AGAP1: variants seen among roughly 807,000 people sequenced by gnomAD.
AGAP1 encodes ArfGAP with GTPase domain, ankyrin repeat and PH domain 1, also known as arf-GAP with GTPase, ANK repeat and PH domain-containing protein 1.
A neutral mutation model predicts 105.3 loss-of-function variants in AGAP1; 29 were observed. That is an observed-to-expected ratio of 0.28 (90% CI 0.21 to 0.38). The LOEUF (loss-of-function observed/expected upper bound fraction) is 0.38, where lower values mean the gene tolerates loss of function less well. AGAP1 is among the 10% of genes least tolerant of loss of function. The pLI is 1.00. For synonymous variants in AGAP1, 509 were observed against 485.9 expected, an observed-to-expected ratio of 1.05 and a Z score of -0.63; for missense variants, 998 against 1,165.1, an observed-to-expected ratio of 0.86 and a Z score of 2.09.
chr2:235,968,421 CATT>C lies in AGAP1; in HGVS notation c.1484-40_1484-38del, dbSNP rs759117514. On this transcript the variant is annotated intron_variant, in intron 12 of 17. Transcript: ENST00000304032. ...TTCTGCTTTGTAAGTGCTCACTCTG[CATT>C]TTTTTTTTTTTTTTTGCCTTTTCCG... 1.6e-5 allele frequency: 22 copies of C among 1,345,390 alleles called. No homozygotes were observed. In the African/African-American group the frequency reaches 2.8e-4, roughly 17 times the overall value. The allele number at this position is 1,345,390 out of a possible 1,614,324, so 83.3% of individuals were successfully genotyped here. A position where few individuals can be genotyped will look rare whatever the true frequency, so the allele number is the denominator to read the frequency against.
rs2049812473 is a variant in AGAP1, at chr2:235,877,691, A to T, written c.1051-5654A>T. On this transcript the variant is annotated intron_variant, in intron 9 of 17. Coordinates refer to ENST00000304032, the MANE Select transcript of AGAP1 (RefSeq NM_001037131.3). This position sits in a 1 kb window ranked among gnomAD's most constrained non-coding sequence, Gnocchi z 4.3. ...TTAGATAGTGATTAAAATACACTCA[A>T]AAATTTAAAAATTCTCTTGGAGAAA... Among the ~76,000 whole-genome samples, 1 of 152,200 alleles carries T rather than the reference A, an allele frequency of 6.6e-6. No homozygotes were observed. Among genetic ancestry groups the T allele is most frequent in the Non-Finnish European group, 1.5e-5 (1 of 68,032 alleles).
chr2:236,010,075 A>G (rs1476806080), intron 13 of AGAP1, among the ~76,000 whole-genome samples: 1 of 152,010 alleles, frequency 6.6e-6, no homozygotes, highest in Non-Finnish European at 1.5e-5. Flanking sequence ...AGTTAAGTTT[A>G]AGTCTCAGTG....
intron 13 of AGAP1, among the ~76,000 whole-genome samples, chr2:236,008,403 C>T (rs900374525): frequency 3.3e-5 from 5 of 152,130 alleles, no homozygotes; most frequent in South Asian, 2.1e-4. Flanking sequence ...TGTTTTTCAC[C>T]GATGCATTTC....
Position 236,068,571 on chromosome 2 carries a change from CG to C in AGAP1, c.2114+19293del, listed in dbSNP as rs2058410143. 3.3e-5 allele frequency among the ~76,000 whole-genome samples: 5 copies of C among 151,902 alleles called. No homozygotes were observed. In the South Asian group the frequency reaches 1.0e-3, roughly 32 times the overall value. ...ATCCCAGCACTTTCGGAGGCCGAGG[CG>C]GGCGGATCACGAGGTCAGGAGATCG... On this transcript the variant is annotated intron_variant, in intron 16 of 17. Coordinates refer to ENST00000304032, the MANE Select transcript of AGAP1 (RefSeq NM_001037131.3).
chr2:235,535,992 G>C lies in AGAP1; in HGVS notation c.163+41143G>C, dbSNP rs1327581918. 6.6e-6 allele frequency among the ~76,000 whole-genome samples: 1 copy of C among 151,922 alleles called. No homozygotes were observed. Among genetic ancestry groups the C allele is most frequent in the Non-Finnish European group, 1.5e-5 (1 of 68,002 alleles). On this transcript the variant is annotated intron_variant, in intron 1 of 17. Coordinates refer to ENST00000304032, the MANE Select transcript of AGAP1 (RefSeq NM_001037131.3). The surrounding 1 kb of genome is among the most constrained non-coding windows in gnomAD (Gnocchi z 5.1). ...CTCTCCCAGAGCCGGCCTCACCTTC[G>C]AGACTCATGCTACTAAGTTGTCTTT... is the stretch of plus-strand genomic sequence containing the variant.
chr2:236,052,963 G>C (rs1337994915), intron 16 of AGAP1, among the ~76,000 whole-genome samples: 1 of 152,188 alleles, frequency 6.6e-6, no homozygotes, highest in African/African-American at 2.4e-5. Flanking sequence ...AGTAACAGTG[G>C]ACAGAACTAA....
intron 13 of AGAP1, among the ~76,000 whole-genome samples, chr2:236,034,608 A>T (rs947076096): frequency 1.3e-5 from 2 of 152,024 alleles, no homozygotes; most frequent in Admixed American, 1.3e-4. Context: ...ACACCCCCAT[A>T]CCGTGTGGGC....
rs998429150 is a variant in AGAP1, at chr2:235,993,780, G to C, written c.1645+25157G>C. On this transcript the variant is annotated intron_variant, in intron 13 of 17. Coordinates refer to ENST00000304032, the MANE Select transcript of AGAP1 (RefSeq NM_001037131.3). The surrounding 1 kb of genome is among the most constrained non-coding windows in gnomAD (Gnocchi z 5.0). ...CACGCCCTTCTGCTTTGGCTGTGTAGATGCTGTTCCAGTCCTGGGGAGCAC... is the reference window on the plus strand; with the variant it reads ...CACGCCCTTCTGCTTTGGCTGTGTACATGCTGTTCCAGTCCTGGGGAGCAC... Among the ~76,000 whole-genome samples the C allele has an allele frequency of 6.6e-6, 1 of 152,150 alleles. No individual in the cohort carries two copies. The highest frequency in any genetic ancestry group is 6.5e-5 in the Admixed American group (1 of 15,278).
chr2:236,010,344 A>G (rs1444559222), intron 13 of AGAP1, among the ~76,000 whole-genome samples: 1 of 152,188 alleles, frequency 6.6e-6, no homozygotes, highest in Non-Finnish European at 1.5e-5. Context: ...TGTCTTTGAA[A>G]AGATCGTGAC....
At chr2:235,956,254 C>T (rs1382650594) in intron 12 of AGAP1, among the ~76,000 whole-genome samples, 4 of 152,218 alleles carry the variant, frequency 2.6e-5, no homozygotes, top group African/African-American at 9.6e-5. Context: ...CGCATCGTGC[C>T]TTCCCATTTA....
chr2:235,860,842 G>GACTGCATTATTTGCCAAA (rs1345657302), intron 9 of AGAP1, among the ~76,000 whole-genome samples: 1 of 152,132 alleles, frequency 6.6e-6, no homozygotes, highest in Non-Finnish European at 1.5e-5. Context: ...TATTTACCAA[G>GACTGCATTATTTGCCAAA]ACTGCATTAT....
chr2:235,849,677 C>T (rs1961939863), intron 9 of AGAP1, among the ~76,000 whole-genome samples: 1 of 152,148 alleles, frequency 6.6e-6, no homozygotes, highest in Non-Finnish European at 1.5e-5. Flanking sequence ...ACCTGCTGGG[C>T]ATGGAGTGTC....
At chr2:236,102,924 C>T (rs1012799109) in intron 16 of AGAP1, among the ~76,000 whole-genome samples, 7 of 152,122 alleles carry the variant, frequency 4.6e-5, no homozygotes, top group Admixed American at 1.3e-4. Flanking sequence ...TAAAAGACTT[C>T]AAAATTGCTT....
At position 235,803,109 on chromosome 2, in the gene AGAP1, GTGA is replaced by G. The variant is rs1304028254; in HGVS notation, c.957+3590_957+3592del. Among the ~76,000 whole-genome samples, 9 of 151,074 alleles carry G rather than the reference GTGA, an allele frequency of 6.0e-5. No homozygotes were observed. In the East Asian group the frequency reaches 1.4e-3, roughly 23 times the overall value. ...GGTTGTGGTGATGGTGATGATGGTT[GTGA>G]TGGTGATGATGATGGTTGTGGTGAT... On this transcript the variant is annotated intron_variant, in intron 8 of 17. Transcript: ENST00000304032.
chr2:235,993,137 A>G lies in AGAP1; in HGVS notation c.1645+24514A>G, dbSNP rs1030397612. ...GCTTCCTAAGTATTGATAGCGGCGT[A>G]TATATAGGATTCCCACAATTTGCAG... is the stretch of plus-strand genomic sequence containing the variant. On this transcript the variant is annotated intron_variant, in intron 13 of 17. Coordinates refer to ENST00000304032, the MANE Select transcript of AGAP1 (RefSeq NM_001037131.3). The surrounding 1 kb of genome is among the most constrained non-coding windows in gnomAD (Gnocchi z 5.0). Among the ~76,000 whole-genome samples the G allele has an allele frequency of 1.3e-5, 2 of 152,202 alleles. No individual in the cohort carries two copies. The highest frequency in any genetic ancestry group is 2.9e-5 in the Non-Finnish European group (2 of 68,034).
Position 235,988,014 on chromosome 2 carries a change from T to A in AGAP1, c.1645+19391T>A, listed in dbSNP as rs531485061. On this transcript the variant is annotated intron_variant, in intron 13 of 17. Coordinates refer to ENST00000304032, the MANE Select transcript of AGAP1 (RefSeq NM_001037131.3). This position sits in a 1 kb window ranked among gnomAD's most constrained non-coding sequence, Gnocchi z 4.7. ...TATGCAGAATGTTGGTAGTTAAAAC[T>A]CCTTTTGTTATTTTGTGTTTGTTCG... is the stretch of plus-strand genomic sequence containing the variant. Among the ~76,000 whole-genome samples, 1 of 152,292 alleles carries A rather than the reference T, an allele frequency of 6.6e-6. No individual in the cohort carries two copies. The highest frequency in any genetic ancestry group is 1.9e-4 in the East Asian group (1 of 5,184).
intron 1 of AGAP1, among the ~76,000 whole-genome samples, chr2:235,570,073 T>C (rs1274539694): frequency 6.6e-6 from 1 of 152,240 alleles, no homozygotes; most frequent in Admixed American, 6.5e-5. Context: ...GGTTTTTCTT[T>C]TTGAAGACGG....
Position 236,078,261 on chromosome 2 carries a change from G to C in AGAP1, c.2114+28980G>C, listed in dbSNP as rs1270396676. On this transcript the variant is annotated intron_variant, in intron 16 of 17. Coordinates refer to ENST00000304032, the MANE Select transcript of AGAP1 (RefSeq NM_001037131.3). The surrounding 1 kb of genome is among the most constrained non-coding windows in gnomAD (Gnocchi z 5.3). ...GGGCAGAAGTTAATGCTGCATGCTTGATGTAGGATTTCATCATCACGAAAC... is the reference window on the plus strand; with the variant it reads ...GGGCAGAAGTTAATGCTGCATGCTTCATGTAGGATTTCATCATCACGAAAC... 6.6e-6 allele frequency among the ~76,000 whole-genome samples: 1 copy of C among 152,134 alleles called. No homozygotes were observed. The highest frequency in any genetic ancestry group is 1.5e-5 in the Non-Finnish European group (1 of 68,028).
At chr2:235,636,113 C>CGGTAAATAAATA (rs1946990401) in intron 1 of AGAP1, among the ~76,000 whole-genome samples, 1 of 96,466 alleles carries the variant, frequency 1.0e-5, no homozygotes, top group African/African-American at 4.8e-5. Context: ...GACTCTGTCT[C>CGGTAAATAAATA]AGTAAATAAA....
Sources: allele counts gnomAD v4.1 joint callset (sites outside exome capture counted in the v4.1 genomes callset), GRCh38; gene constraint gnomAD v4.1.1; non-coding constraint Gnocchi (gnomAD v3.1); transcripts MANE v1.5; gene names NCBI Gene and HGNC (gene_info 2026-07-23, HGNC 2026-07-21).